The following SAXO2 variants were observed in gnomAD, a reference collection of about 807,000 sequenced individuals.
SAXO2 encodes the protein stabilizer of axonemal microtubules 2, also known as family with sequence similarity 154, member B.
A neutral mutation model predicts 18.7 loss-of-function variants in SAXO2; 17 were observed. The ratio of observed to expected loss-of-function variants is 0.91; its 90% confidence interval spans 0.62 to 1.36. The LOEUF is 1.36. Among genes scored for constraint, SAXO2 ranks in the 40% most tolerant of loss-of-function variants. The pLI is 0.00. For synonymous variants in SAXO2, 163 were observed against 181.2 expected (o/e 0.90, Z 0.81); for missense variants, 486 against 562.6 (o/e 0.86, Z 1.38).
At chr15:82,271,922 A>C (rs758037375) in intron 3 of SAXO2, 120 bp downstream of exon 3, 6 of 807,638 alleles carry the variant, frequency 7.4e-6, no homozygotes, top group Non-Finnish European at 1.2e-5. Flanking sequence ...GGCTTAGGAA[A>C]GAACATTTCT....
chr15:82,271,398 T>C (rs1046273765), intron 2 of SAXO2, among the ~76,000 whole-genome samples: 2 of 152,228 alleles, frequency 1.3e-5, no homozygotes, highest in Admixed American at 6.5e-5. Context: ...ATATTTACTT[T>C]TCTCAAGATA....
chr15:82,267,637 ATTC>A (rs1463047246), intron 2 of SAXO2, among the ~76,000 whole-genome samples: 1 of 152,218 alleles, frequency 6.6e-6, no homozygotes, highest in Non-Finnish European at 1.5e-5. Context: ...GATGCAGCTC[ATTC>A]TTATATAGCA....
At chr15:82,267,158 A>G (rs1168501725) in intron 2 of SAXO2, among the ~76,000 whole-genome samples, 1 of 152,212 alleles carries the variant, frequency 6.6e-6, no homozygotes, top group South Asian at 2.1e-4. Flanking sequence ...ACACAGCCTC[A>G]GGAGGTCCCA....
chr15:82,273,389 C>T (rs1314556486), intron 3 of SAXO2, among the ~76,000 whole-genome samples: 2 of 152,042 alleles, frequency 1.3e-5, no homozygotes, highest in Non-Finnish European at 2.9e-5. Flanking sequence ...CATCAATAAT[C>T]AAAGTAATGA....
At chr15:82,272,488 A>C (rs969808383) in intron 3 of SAXO2, among the ~76,000 whole-genome samples, 5 of 152,148 alleles carry the variant, frequency 3.3e-5, no homozygotes, top group Admixed American at 6.5e-5. Context: ...GAGGAGTACA[A>C]GTTGGGCCAT....
At chr15:82,273,267 T>C (rs1007837089) in intron 3 of SAXO2, among the ~76,000 whole-genome samples, 3 of 152,184 alleles carry the variant, frequency 2.0e-5, no homozygotes, top group African/African-American at 7.2e-5. Context: ...ATTACTTTTA[T>C]ATCTTTTTAT....
intron 3 of SAXO2, among the ~76,000 whole-genome samples, chr15:82,276,572 T>C (rs572902924): frequency 6.6e-6 from 1 of 152,206 alleles, no homozygotes; most frequent in South Asian, 2.1e-4. Flanking sequence ...AACCACCTGA[T>C]TGTCCACAAA....
intron 3 of SAXO2, among the ~76,000 whole-genome samples, chr15:82,276,431 G>A (rs921249941): frequency 6.6e-6 from 1 of 152,016 alleles, no homozygotes; most frequent in Non-Finnish European, 1.5e-5. Flanking sequence ...AAAACCAGAG[G>A]CATTACATCT....
At chr15:82,271,334 A>G (rs1317955801) in intron 2 of SAXO2, among the ~76,000 whole-genome samples, 3 of 152,184 alleles carry the variant, frequency 2.0e-5, no homozygotes, top group Non-Finnish European at 2.9e-5. Flanking sequence ...TTTACTGAAG[A>G]TCCGATTAAC....
At chr15:82,271,849 C>T (rs2075275521) in intron 3 of SAXO2, 47 bp downstream of exon 3, 3 of 1,498,764 alleles carry the variant, frequency 2.0e-6, no homozygotes, top group Non-Finnish European at 2.8e-6. Context: ...CTAAAACTCA[C>T]TTCCAGCTTT....
Position 82,275,447 on chromosome 15 carries a change from A to T in SAXO2, c.433+3645A>T, listed in dbSNP as rs79958455. ...ATTCTGTGAAACTAGTATGATCCTG[A>T]TAACCAAAATCTGACAAAAACACAA... is the stretch of plus-strand genomic sequence containing the variant. On this transcript the variant is annotated intron_variant, in intron 3 of 3. Coordinates refer to ENST00000682753, the MANE Select transcript of SAXO2 (RefSeq NM_001348699.2). 7.1e-3 allele frequency among the ~76,000 whole-genome samples: 1,060 copies of T among 150,162 alleles called. 12 individuals are homozygous for T. Among genetic ancestry groups the T allele is most frequent in the African/African-American group, 0.023 (972 of 41,426 alleles).
intron 1 of SAXO2, chr15:82,264,706 A>C (rs747360497): frequency 7.4e-5 from 52 of 702,282 alleles, no homozygotes; most frequent in Admixed American, 1.4e-4. Context: ...TGCCTCTGCC[A>C]TAATCAGAAA....
intron 2 of SAXO2, among the ~76,000 whole-genome samples, chr15:82,266,336 T>C (rs891978812): frequency 6.6e-6 from 1 of 152,172 alleles, no homozygotes; most frequent in Non-Finnish European, 1.5e-5. Flanking sequence ...GTTTGATCTG[T>C]TTTCAATACT....
chr15:82,265,571 G>A lies in SAXO2; in HGVS notation c.56G>A (p.Arg19Gln), dbSNP rs1230458793. 1.7e-5 allele frequency: 23 copies of A among 1,322,448 alleles called. No individual in the cohort carries two copies. Among genetic ancestry groups the A allele is most frequent in the African/African-American group, 3.1e-5 (2 of 65,284 alleles). 81.9% of individuals were successfully genotyped at this position (1,322,448 alleles called of 1,614,324 possible). A position where few individuals can be genotyped will look rare whatever the true frequency, so the allele number is the denominator to read the frequency against. Residue 19 changes from arginine to glutamine, a missense_variant and splice_region_variant, in exon 2 of 4, where the codon CGA (arginine) becomes CAA (glutamine). Coordinates refer to ENST00000682753, the MANE Select transcript of SAXO2 (RefSeq NM_001348699.2). ...CTTTCAGTTTATTTTTTGCACAGGC[G>A]ACATCATTGTCCACGTGGAACCACA... is the stretch of plus-strand genomic sequence containing the variant. ...WCLCQICSCGRHHCPRGTTRI... is the reference protein window; with the variant it reads ...WCLCQICSCGQHHCPRGTTRI...
intron 1 of SAXO2, chr15:82,264,813 A>G (rs1288372917): frequency 1.3e-5 from 9 of 694,040 alleles, no homozygotes; most frequent in Admixed American, 1.0e-4. Context: ...GATGCCGCCT[A>G]ACAACTTCTA....
intron 3 of SAXO2, among the ~76,000 whole-genome samples, chr15:82,275,498 G>C (rs1399695212): frequency 2.0e-5 from 3 of 151,866 alleles, no homozygotes; most frequent in Non-Finnish European, 4.4e-5. Context: ...TACAGACCAT[G>C]GTCCCTGAAC....
intron 3 of SAXO2, among the ~76,000 whole-genome samples, chr15:82,274,049 C>T (rs980182443): frequency 6.6e-6 from 1 of 152,014 alleles, no homozygotes; most frequent in African/African-American, 2.4e-5. Context: ...TATACAATCA[C>T]AGTAAGATTT....
chr15:82,265,330 G>A (rs1395669002), intron 1 of SAXO2, among the ~76,000 whole-genome samples: 1 of 152,130 alleles, frequency 6.6e-6, no homozygotes, highest in Admixed American at 6.5e-5. Context: ...TTTTAGTAGA[G>A]ACGGGGTTTC....
rs117805157 is a variant in SAXO2, at chr15:82,273,247, G to A, written c.433+1445G>A. Among the ~76,000 whole-genome samples the A allele has an allele frequency of 2.1e-4, 32 of 152,094 alleles. 1 individual carries two copies. In the East Asian group the frequency reaches 6.2e-3, roughly 29 times the overall value. ...TAGGCCTATTTTGATTTTGATTTAT[G>A]ATAGTAGATATTACTTTTATATCTT... On this transcript the variant is annotated intron_variant, in intron 3 of 3. Coordinates refer to ENST00000682753, the MANE Select transcript of SAXO2 (RefSeq NM_001348699.2).
Sources: gnomAD v4.1 joint callset for allele counts (sites outside exome capture counted in the v4.1 genomes callset) on GRCh38, gnomAD v4.1.1 for gene constraint, MANE v1.5 for transcripts, NCBI Gene and HGNC (gene_info 2026-07-23, HGNC 2026-07-21) for gene names.